CCDC144A: variants seen among roughly 807,000 people sequenced by gnomAD.
CCDC144A encodes the protein coiled-coil domain containing 144A.
Under a neutral mutation model 143.8 loss-of-function variants are expected in CCDC144A, and 41 were observed. The observed-to-expected ratio is 0.29, with a 90% CI of 0.22 to 0.37. The LOEUF is 0.37. CCDC144A is among the 10% of genes least tolerant of loss of function. The pLI, the probability that CCDC144A is intolerant of heterozygous loss-of-function variation, is 1.00. For synonymous variants in CCDC144A, 242 were observed against 517.9 expected, an observed-to-expected ratio of 0.47 and a Z score of 7.23; for missense variants, 637 against 1,488.8, an observed-to-expected ratio of 0.43 and a Z score of 9.41.
At chr17:16,758,435 T>C (rs1300209880) in intron 12 of CCDC144A, among the ~76,000 whole-genome samples, 1 of 152,216 alleles carries the variant, frequency 6.6e-6, no homozygotes, top group African/African-American at 2.4e-5. Flanking sequence ...CTTGAGTGCA[T>C]TTCTTGTCAA....
chr17:16,675,295 T>G, the CCDC144A span, among the ~76,000 whole-genome samples: 3 of 151,674 alleles, frequency 2.0e-5, no homozygotes, highest in Admixed American at 6.6e-5. Flanking sequence ...AGTGGATTTT[T>G]AAAACTGAGG....
chr17:16,702,571 C>A (rs1303022522), intron 2 of CCDC144A, among the ~76,000 whole-genome samples: 1 of 151,264 alleles, frequency 6.6e-6, no homozygotes, highest in African/African-American at 2.4e-5. Flanking sequence ...CACCCATAGA[C>A]CTACACAACA....
chr17:16,708,303 G>A (rs573961095), intron 4 of CCDC144A, among the ~76,000 whole-genome samples: 10 of 151,914 alleles, frequency 6.6e-5, no homozygotes, highest in Non-Finnish European at 1.2e-4. Flanking sequence ...GTGTTGATTC[G>A]GGCTCCTAAT....
intron 6 of CCDC144A, among the ~76,000 whole-genome samples, chr17:16,716,531 ATTATT>A (rs1185603032): frequency 6.6e-6 from 1 of 152,224 alleles, no homozygotes; most frequent in African/African-American, 2.4e-5. Flanking sequence ...AATTTACCAA[ATTATT>A]TTATTTTCAA....
intron 6 of CCDC144A, among the ~76,000 whole-genome samples, chr17:16,714,606 G>A (rs1912634965): frequency 1.3e-5 from 2 of 151,200 alleles, no homozygotes; most frequent in Non-Finnish European, 1.5e-5. Flanking sequence ...ACCACCATCT[G>A]CTCTCTAGAT....
At chr17:16,716,839 A>G (rs1350274856) in intron 6 of CCDC144A, among the ~76,000 whole-genome samples, 6 of 136,412 alleles carry the variant, frequency 4.4e-5, no homozygotes, top group African/African-American at 1.7e-4. Flanking sequence ...TTTGAGACGC[A>G]GTCTCGCTCT....
At chr17:16,675,191 C>T in the CCDC144A span, among the ~76,000 whole-genome samples, 1 of 151,074 alleles carries the variant, frequency 6.6e-6, no homozygotes, top group Non-Finnish European at 1.5e-5. Flanking sequence ...AGCGCCTGAA[C>T]CTGGCAGGTG....
chr17:16,749,207 T>G (rs1205704605), intron 12 of CCDC144A, among the ~76,000 whole-genome samples: 3 of 152,326 alleles, frequency 2.0e-5, no homozygotes, highest in Non-Finnish European at 2.9e-5. Context: ...CAGATCTGTC[T>G]AACTTTTCAA....
chr17:16,770,108 G>T (rs890967673), intron 15 of CCDC144A, among the ~76,000 whole-genome samples: 35 of 151,788 alleles, frequency 2.3e-4, no homozygotes, highest in African/African-American at 8.5e-4. Flanking sequence ...TTACAGGCGT[G>T]AGCCACCACA....
At chr17:16,769,626 T>C (rs955217332) in intron 15 of CCDC144A, among the ~76,000 whole-genome samples, 2 of 152,188 alleles carry the variant, frequency 1.3e-5, no homozygotes, top group Admixed American at 1.3e-4. Context: ...AAAGATTTTC[T>C]CCTTCAAGTT....
At position 16,709,728 on chromosome 17, in the gene CCDC144A, C is replaced by T; in HGVS notation, c.1578+93C>T. On this transcript the variant is annotated intron_variant, in intron 5 of 16. Transcript: ENST00000399273. ...TTAGGAAAAGCATATGAAAAGCATA[C>T]AGTTTGGTTGTCTAAATCTGTAATT... 15 of 1,469,786 alleles carry T rather than the reference C, an allele frequency of 1.0e-5. No individual in the cohort carries two copies. In the South Asian group the frequency reaches 2.1e-4, roughly 20 times the overall value. The allele number at this position is 1,469,786 out of a possible 1,614,324, so 91.0% of individuals were successfully genotyped here.
At position 16,744,632 on chromosome 17, in the gene CCDC144A, T is replaced by C. The variant is rs187279686; in HGVS notation, c.3372+8989T>C. ...CTTTGTTCAATGCATAGCTTGTAAATACATTCTTTCATTGTTTAGGTTGCC... is the reference window on the plus strand; with the variant it reads ...CTTTGTTCAATGCATAGCTTGTAAACACATTCTTTCATTGTTTAGGTTGCC... On this transcript the variant is annotated intron_variant, in intron 12 of 16. Transcript: ENST00000399273. Among the ~76,000 whole-genome samples the C allele has an allele frequency of 4.2e-3, 643 of 152,278 alleles. 4 individuals carry two copies. The highest frequency in any genetic ancestry group is 0.015 in the African/African-American group (610 of 41,574).
intron 5 of CCDC144A, chr17:16,710,208 G>A: frequency 6.1e-6 from 1 of 163,470 alleles, no homozygotes; most frequent in East Asian, 1.9e-4. Context: ...CCTCCTGGGA[G>A]CGGGGCACCA....
chr17:16,723,001 G>GTAA lies in CCDC144A; in HGVS notation c.1891+2345_1891+2347dup, dbSNP rs1913182906. On this transcript the variant is annotated intron_variant, in intron 8 of 16. Transcript: ENST00000399273. The stretch of plus-strand genomic sequence containing the variant: ...TATCATTGTCAGACTTTGGTTCAGG[G>GTAA]TAATGCTAGAGTGACAGAATGAGTT... 2.6e-5 allele frequency among the ~76,000 whole-genome samples: 4 copies of GTAA among 152,072 alleles called. No individual in the cohort carries two copies. The South Asian group carries it at 8.3e-4, about 32-fold the overall frequency.
intron 12 of CCDC144A, among the ~76,000 whole-genome samples, chr17:16,739,737 G>A (rs1156746470): frequency 6.6e-6 from 1 of 151,982 alleles, no homozygotes; most frequent in Non-Finnish European, 1.5e-5. Flanking sequence ...TTTGTTTTTG[G>A]ATTCTCAGTT....
chr17:16,702,580 C>A (rs1361999856), intron 2 of CCDC144A, among the ~76,000 whole-genome samples: 1 of 152,132 alleles, frequency 6.6e-6, no homozygotes, highest in Non-Finnish European at 1.5e-5. Flanking sequence ...ACCTACACAA[C>A]AAAATGTACA....
chr17:16,680,962 G>C, the CCDC144A span, among the ~76,000 whole-genome samples: 3 of 151,986 alleles, frequency 2.0e-5, no homozygotes, highest in Admixed American at 2.0e-4. Flanking sequence ...AATCAAACCA[G>C]TCTAAGAATC....
At chr17:16,762,980 C>T (rs1207099730) in intron 14 of CCDC144A, among the ~76,000 whole-genome samples, 18 of 147,586 alleles carry the variant, frequency 1.2e-4, no homozygotes, top group East Asian at 3.9e-4. Context: ...GGGTCAAGTA[C>T]GACTACTCTG....
At chr17:16,704,461 TA>T (rs907978828) in intron 2 of CCDC144A, among the ~76,000 whole-genome samples, 1,617 of 144,456 alleles carry the variant, frequency 0.011, 35 homozygotes, top group African/African-American at 0.038. Context: ...TCTCAAAAAA[TA>T]AAAAAAAAAA....
Sources: allele counts gnomAD v4.1 joint callset (sites outside exome capture counted in the v4.1 genomes callset), GRCh38; gene constraint gnomAD v4.1.1; transcripts MANE v1.5; gene names NCBI Gene and HGNC (gene_info 2026-07-23, HGNC 2026-07-21).